NBPF20: variants seen among roughly 807,000 people sequenced by gnomAD.
The protein encoded by NBPF20 is NBPF family member NBPF20.
In NBPF20, 90 loss-of-function variants were observed where a neutral mutation model predicts 68.1. The ratio of observed to expected loss-of-function variants is 1.32; its 90% CI spans 1.11 to 1.58. The LOEUF (loss-of-function observed/expected upper bound fraction) is 1.58. NBPF20 is among the 40% of genes most tolerant of loss of function. The pLI, the probability that NBPF20 is intolerant of heterozygous loss-of-function variation, is 0.00. For synonymous variants in NBPF20, 290 were observed against 228.1 expected (o/e 1.27, Z -2.45); for missense variants, 816 against 601.2 (o/e 1.36, Z -3.74).
In NBPF20 at chr1:145,405,306, G is replaced by C. The variant is rs1165939666; in HGVS notation, c.-34C>G. ...TTGTGGCAGAAGAGGTGGAGTCAGG[G>C]ACTGGGGAGAAGAAACCCAAACATA... On this transcript the variant is annotated splice_region_variant and 5_prime_UTR_variant, in exon 2 of 138. In the 5' UTR this introduces an upstream ATG that the reference lacks. Transcript: ENST00000369373. 3.8e-6 allele frequency: 6 copies of C among 1,583,490 alleles called. No individual in the cohort carries two copies. The African/African-American group carries it at 8.2e-5, about 22-fold the overall frequency.
intron 3 of NBPF20, 119 bp downstream of exon 8, chr1:145,403,097 C>CAG (rs1662603103): frequency 9.5e-7 from 1 of 1,052,918 alleles, no homozygotes; most frequent in Non-Finnish European, 1.5e-6. Context: ...AGCGAGCCTG[C>CAG]CATGGCAATT....
intron 7 of NBPF20, among the ~76,000 whole-genome samples, chr1:145,397,246 T>C (rs1662294187): frequency 1.3e-5 from 2 of 151,592 alleles, no homozygotes; most frequent in South Asian, 4.2e-4. Flanking sequence ...CATGTGTCTT[T>C]ACAGCAGCAT....
chr1:145,397,833 G>A (rs1176232725), intron 7 of NBPF20, among the ~76,000 whole-genome samples: 270 of 152,270 alleles, frequency 1.8e-3, no homozygotes, highest in Non-Finnish European at 3.3e-3. Flanking sequence ...CTGTACTCAG[G>A]AAACCCATCT....
At chr1:145,292,678 G>A (rs1661215970) in intron 136 of NBPF20, among the ~76,000 whole-genome samples, 189 bp from the exon 142 acceptor site, 1 of 146,748 alleles carries the variant, frequency 6.8e-6, no homozygotes, top group Non-Finnish European at 1.5e-5. Context: ...CCCAGAAACT[G>A]TGGGTAAAAT....
intron 2 of NBPF20, among the ~76,000 whole-genome samples, chr1:145,403,569 G>A (rs1165812073): frequency 7.9e-5 from 12 of 152,364 alleles, no homozygotes; most frequent in South Asian, 2.1e-4. Flanking sequence ...CAACCACAAC[G>A]AAGTGGAGTC....
chr1:145,414,897 A>G, the NBPF20 span, among the ~76,000 whole-genome samples: 1 of 150,804 alleles, frequency 6.6e-6, no homozygotes, highest in South Asian at 2.1e-4. Flanking sequence ...GCCCCTCCAC[A>G]CCTGTGGGCG....
upstream of NBPF20, among the ~76,000 whole-genome samples, chr1:145,409,400 C>G (rs370688776): frequency 7.4e-5 from 11 of 147,984 alleles, no homozygotes; most frequent in Admixed American, 2.7e-4. Flanking sequence ...TGTTTCAGTA[C>G]CGACTGAGTG....
At chr1:145,398,433 C>T (rs1471116959) in intron 7 of NBPF20, among the ~76,000 whole-genome samples, 1 of 152,060 alleles carries the variant, frequency 6.6e-6, no homozygotes, top group Non-Finnish European at 1.5e-5. Context: ...TCACTCAAAA[C>T]CGCACAACTA....
At chr1:145,423,812 G>T in the NBPF20 span, among the ~76,000 whole-genome samples, 4 of 151,964 alleles carry the variant, frequency 2.6e-5, no homozygotes, top group Non-Finnish European at 4.4e-5. Context: ...CCTGCTAAAT[G>T]GTACAATCAC....
intron 79 of NBPF20, among the ~76,000 whole-genome samples, chr1:145,338,086 A>G (rs1661590189): frequency 2.6e-5 from 2 of 77,520 alleles, no homozygotes; most frequent in African/African-American, 1.0e-4. Flanking sequence ...TGAATTGTCC[A>G]GGTGACACAC....
exon 138 of NBPF20, chr1:145,291,408 T>A: frequency 5.0e-6 from 8 of 1,601,022 alleles, no homozygotes; most frequent in Non-Finnish European, 6.0e-6. Context: ...AATACAGCCA[T>A]GCCCACTGAC....
chr1:145,409,232 TGAG>T (rs1662916200), upstream of NBPF20, among the ~76,000 whole-genome samples: 1 of 152,040 alleles, frequency 6.6e-6, no homozygotes, highest in African/African-American at 2.4e-5. Flanking sequence ...TCGTAAATAC[TGAG>T]TAGTATTCCT....
At chr1:145,291,873 A>G in intron 137 of NBPF20, 104 bp from the exon 143 acceptor site, 4 of 1,598,380 alleles carry the variant, frequency 2.5e-6, no homozygotes, top group Non-Finnish European at 2.6e-6. Context: ...GAAAAGAAAA[A>G]GGATAGATCC....
chr1:145,425,002 G>A, the NBPF20 span, among the ~76,000 whole-genome samples: 1 of 152,146 alleles, frequency 6.6e-6, no homozygotes, highest in African/African-American at 2.4e-5. Context: ...AGAGGCAACC[G>A]ATGTCTGGCC....
Position 145,377,654 on chromosome 1 carries a change from G to C in NBPF20, c.3465-216C>G, listed in dbSNP as rs1300727261. Among the ~76,000 whole-genome samples the C allele has an allele frequency of 1.4e-4, 20 of 142,384 alleles. No individual in the cohort carries two copies. In the East Asian group the frequency reaches 4.3e-3, roughly 31 times the overall value. 93.4% of individuals were successfully genotyped at this position (142,384 alleles called of 152,430 possible). On this transcript the variant is annotated intron_variant, in intron 29 of 137. Coordinates refer to ENST00000369373, the Ensembl canonical transcript of NBPF20. ...AGGGAGAGGGAGGGAGAGAGAGAGA[G>C]AGAGAGGAGAAAGTGAGCTCAGCGA...
chr1:145,416,046 A>G, the NBPF20 span, among the ~76,000 whole-genome samples: 2 of 150,522 alleles, frequency 1.3e-5, no homozygotes, highest in African/African-American at 4.9e-5. Flanking sequence ...CAGGAGAATC[A>G]CTTGAACTCA....
the NBPF20 span, among the ~76,000 whole-genome samples, chr1:145,416,178 ATAT>A: frequency 1.3e-5 from 2 of 150,266 alleles, no homozygotes; most frequent in African/African-American, 2.4e-5. Context: ...TTAACTCCAA[ATAT>A]TATTATGTGA....
chr1:145,392,774 C>G (rs1276349008), intron 10 of NBPF20, among the ~76,000 whole-genome samples: 1 of 87,918 alleles, frequency 1.1e-5, no homozygotes, highest in African/African-American at 7.6e-5. Flanking sequence ...ACAAGATCTA[C>G]AAAATTGAGA....
chr1:145,422,951 G>T, the NBPF20 span, among the ~76,000 whole-genome samples: 279 of 139,446 alleles, frequency 2.0e-3, 1 homozygote, highest in African/African-American at 7.3e-3. Context: ...TCCTGCCACG[G>T]CACTCTAGCC....
Sources: allele counts gnomAD v4.1 joint callset (sites outside exome capture counted in the v4.1 genomes callset), GRCh38; gene constraint gnomAD v4.1.1; transcripts MANE v1.5; gene names NCBI Gene and HGNC (gene_info 2026-07-23, HGNC 2026-07-21).